RUVBL1: variants seen among roughly 807,000 people sequenced by gnomAD.
RUVBL1 encodes the protein RuvB like AAA ATPase 1, also known as ruvB-like 1.
A neutral mutation model predicts 52.4 loss-of-function variants in RUVBL1; 4 were observed. The observed-to-expected ratio is 0.08, with a 90% CI of 0.04 to 0.17. RUVBL1 has a LOEUF of 0.17. Among genes scored for constraint, RUVBL1 ranks in the 10% least tolerant of loss-of-function variants. The pLI, the probability that RUVBL1 is intolerant of heterozygous loss-of-function variation, is 1.00. For missense variants in RUVBL1, 298 were observed against 572.8 expected (o/e 0.52, Z 4.90); for synonymous variants, 217 against 214.4 (o/e 1.01, Z -0.10).
At chr3:128,066,907 G>A in intron 9 of RUVBL1, 1 of 1,589,598 alleles carries the variant, frequency 6.3e-7, no homozygotes, top group Non-Finnish European at 8.6e-7. Context: ...TGTGCAGCAG[G>A]CTGAAATGAG....
At chr3:128,095,376 C>G (rs1039631801) in intron 8 of RUVBL1, among the ~76,000 whole-genome samples, 1 of 152,270 alleles carries the variant, frequency 6.6e-6, no homozygotes, top group Non-Finnish European at 1.5e-5. Flanking sequence ...CAGGCTTCAG[C>G]CTGGCCTAGC....
intron 9 of RUVBL1, among the ~76,000 whole-genome samples, chr3:128,065,670 T>C (rs9819960): frequency 0.23 from 34,944 of 151,762 alleles, 4,103 homozygotes; most frequent in South Asian, 0.27. Flanking sequence ...AGCCACATTC[T>C]TGCTTAATAA....
At chr3:128,144,284 C>T (rs914907666) in intron 1 of RUVBL1, among the ~76,000 whole-genome samples, 1 of 152,198 alleles carries the variant, frequency 6.6e-6, no homozygotes, top group Admixed American at 6.5e-5. Flanking sequence ...AGTATAATAA[C>T]TTCCTCTGGG....
chr3:128,151,910 C>T (rs982885520), intron 1 of RUVBL1, among the ~76,000 whole-genome samples: 8 of 152,122 alleles, frequency 5.3e-5, no homozygotes, highest in South Asian at 2.1e-4. Context: ...TGTGCTCCAC[C>T]GCCACAGTGT....
chr3:128,126,613 C>T (rs879227176), upstream of RUVBL1, among the ~76,000 whole-genome samples: 1 of 152,138 alleles, frequency 6.6e-6, no homozygotes, highest in Non-Finnish European at 1.5e-5. Context: ...ACTGAGGCCC[C>T]AGGAAGGGAC....
At chr3:128,101,896 G>C (rs1173820854) in intron 4 of RUVBL1, among the ~76,000 whole-genome samples, 1 of 152,154 alleles carries the variant, frequency 6.6e-6, no homozygotes. Context: ...CCTATGTAAC[G>C]AGCATGAGAG....
chr3:128,076,328 G>T (rs1309193132), downstream of RUVBL1, among the ~76,000 whole-genome samples: 16 of 152,338 alleles, frequency 1.1e-4, no homozygotes, highest in African/African-American at 3.8e-4. This position sits in a 1 kb window ranked among gnomAD's most constrained non-coding sequence, Gnocchi z 6.8. Context: ...ACCCGACCCA[G>T]GGACGAAGCT....
At chr3:128,150,876 ATTCT>A (rs1944187878) in intron 1 of RUVBL1, among the ~76,000 whole-genome samples, 14 of 66,210 alleles carry the variant, frequency 2.1e-4, no homozygotes, top group Non-Finnish European at 3.3e-4. Flanking sequence ...ATATATATAT[ATTCT>A]ATATATATAT....
chr3:128,073,096 C>T (rs1249064353), intron 9 of RUVBL1, among the ~76,000 whole-genome samples: 1 of 152,168 alleles, frequency 6.6e-6, no homozygotes, highest in Non-Finnish European at 1.5e-5. Flanking sequence ...AGCTCCCGAG[C>T]CAGGACAAAA....
At chr3:128,140,192 C>A (rs1943999036) in intron 1 of RUVBL1, among the ~76,000 whole-genome samples, 1 of 118,922 alleles carries the variant, frequency 8.4e-6, no homozygotes, top group Non-Finnish European at 1.8e-5. Flanking sequence ...TTTTTAAAAA[C>A]TTCCTCAATA....
downstream of RUVBL1, among the ~76,000 whole-genome samples, chr3:128,076,322 G>C (rs1033950330): frequency 6.6e-6 from 1 of 152,156 alleles, no homozygotes; most frequent in South Asian, 2.1e-4. The surrounding 1 kb of genome is among the most constrained non-coding windows in gnomAD (Gnocchi z 6.8). Context: ...AGCATGACCC[G>C]ACCCAGGGAC....
chr3:128,145,861 GTCTT>G (rs1217224039), intron 1 of RUVBL1, among the ~76,000 whole-genome samples: 1 of 152,168 alleles, frequency 6.6e-6, no homozygotes, highest in Non-Finnish European at 1.5e-5. Context: ...CAAGTAAAAT[GTCTT>G]TCTGTCTTCC....
chr3:128,099,004 TCCCCCTGCA>T, intron 6 of RUVBL1, 59 bp from the exon 7 acceptor site: 3 of 1,362,066 alleles, frequency 2.2e-6, no homozygotes, highest in Non-Finnish European at 3.1e-6. Context: ...AGAAGCCTCA[TCCCCCTGCA>T]TCCCACTCAT....
chr3:128,064,883 A>C, exon 10 of RUVBL1: 1 of 1,600,294 alleles, frequency 6.2e-7, no homozygotes, highest in Non-Finnish European at 8.5e-7. Flanking sequence ...ACAGGAATGG[A>C]ATTTGAAGGT....
intron 1 of RUVBL1, among the ~76,000 whole-genome samples, chr3:128,144,241 C>T (rs1340936281): frequency 6.6e-6 from 1 of 152,216 alleles, no homozygotes; most frequent in Admixed American, 6.5e-5. Context: ...TCCTGAAAGA[C>T]TCTTTAAAGC....
At chr3:128,108,008 G>T (rs1430699198) in intron 3 of RUVBL1, among the ~76,000 whole-genome samples, 1 of 152,190 alleles carries the variant, frequency 6.6e-6, no homozygotes, top group East Asian at 1.9e-4. Flanking sequence ...CAGGGGACGT[G>T]GGTGACGGAC....
intron 7 of RUVBL1, among the ~76,000 whole-genome samples, chr3:128,098,329 G>T (rs1481764026): frequency 6.6e-6 from 1 of 152,200 alleles, no homozygotes; most frequent in Non-Finnish European, 1.5e-5. Flanking sequence ...TCAGATTGCT[G>T]CCCTGGCTTA....
chr3:128,150,709 AT>A lies in RUVBL1; in HGVS notation c.-40+2493del, dbSNP rs1454451119. ...TCTATATATTATATATTCTATATAT[AT>A]TCTATATATTATATATTCTATATAT... On this transcript the variant is annotated intron_variant, in intron 1 of 9. Coordinates refer to the RUVBL1 transcript ENST00000464873. Among the ~76,000 whole-genome samples the A allele has an allele frequency of 3.3e-4, 41 of 124,684 alleles. No individual in the cohort carries two copies. In the East Asian group the frequency reaches 8.1e-3, roughly 25 times the overall value. 81.8% of individuals were successfully genotyped at this position (124,684 alleles called of 152,430 possible).
At chr3:128,101,353 G>A (rs1018294512) in intron 5 of RUVBL1, among the ~76,000 whole-genome samples, 1 of 152,030 alleles carries the variant, frequency 6.6e-6, no homozygotes, top group African/African-American at 2.4e-5. Context: ...TGTTTTAATC[G>A]CGAGAAGGTT....
Sources: allele counts gnomAD v4.1 joint callset (sites outside exome capture counted in the v4.1 genomes callset), GRCh38; gene constraint gnomAD v4.1.1; non-coding constraint Gnocchi (gnomAD v3.1); transcripts MANE v1.5; gene names NCBI Gene and HGNC (gene_info 2026-07-23, HGNC 2026-07-21).